ZSCAN18: variants seen among roughly 807,000 people sequenced by gnomAD.
ZSCAN18 encodes the protein zinc finger and SCAN domain containing 18.
ZSCAN18 carries 16 observed loss-of-function variants against 31.1 expected under a neutral mutation model. That is an observed-to-expected ratio of 0.51 (90% confidence interval 0.35 to 0.78). The LOEUF (loss-of-function observed/expected upper bound fraction) is 0.78. Among genes scored for constraint, ZSCAN18 ranks in the 30% least tolerant of loss-of-function variants. The probability of loss-of-function intolerance (pLI) is 0.01; values close to 1 mark genes in which losing one functional copy is unlikely to be tolerated. For missense variants in ZSCAN18, 731 were observed against 697.4 expected, an observed-to-expected ratio of 1.05 and a Z score of -0.54; for synonymous variants, 375 against 320.7, an observed-to-expected ratio of 1.17 and a Z score of -1.81.
chr19:58,116,672 T>TCAC (rs1255322793), intron 1 of ZSCAN18, among the ~76,000 whole-genome samples: 1 of 152,088 alleles, frequency 6.6e-6, no homozygotes, highest in East Asian at 1.9e-4. Flanking sequence ...TCCATCATCA[T>TCAC]CACCTGCAAC....
In ZSCAN18 at chr19:58,085,381, T is replaced by C; in HGVS notation, c.839-2A>G. ...CGCTCTCCTGCCGCCTCCCGCCTTCTGGAACAAGGTCAGAGCCCTAGCGTG... is the reference window on the plus strand; with the variant it reads ...CGCTCTCCTGCCGCCTCCCGCCTTCCGGAACAAGGTCAGAGCCCTAGCGTG... On this transcript the variant is annotated splice_acceptor_variant, in intron 6 of 6. Coordinates refer to ENST00000601144, the MANE Select transcript of ZSCAN18 (RefSeq NM_001145543.2). LOFTEE classifies it high-confidence loss of function. 1 of 1,586,708 alleles carries C rather than the reference T, an allele frequency of 6.3e-7. No individual in the cohort carries two copies. Among genetic ancestry groups the C allele is most frequent in the South Asian group, 1.1e-5 (1 of 89,782 alleles).
At chr19:58,091,988 G>A (rs549658786) in intron 1 of ZSCAN18, among the ~76,000 whole-genome samples, 2 of 152,178 alleles carry the variant, frequency 1.3e-5, no homozygotes, top group South Asian at 2.1e-4. Context: ...ACCAGAATAT[G>A]GGGCGCAAAG....
chr19:58,108,463 TA>T, intron 1 of ZSCAN18: 1 of 985,648 alleles, frequency 1.0e-6, no homozygotes, highest in Non-Finnish European at 1.2e-6. Context: ...TCATGCTTGG[TA>T]AAGGTGGAGC....
At position 58,109,084 on chromosome 19, in the gene ZSCAN18, C is replaced by A. The variant is rs1377516068; in HGVS notation, c.130+9183G>T. ...AATGGTCATGGTGACCACAGCCCCTCATAGATGCTCTGGGTCCTTGTGTGT... is the reference window on the plus strand; with the variant it reads ...AATGGTCATGGTGACCACAGCCCCTAATAGATGCTCTGGGTCCTTGTGTGT... On this transcript the variant is annotated intron_variant, in intron 1 of 1. Transcript: ENST00000595721. 8.6e-5 allele frequency: 105 copies of A among 1,227,204 alleles called. 1 individual carries two copies. Among genetic ancestry groups the A allele is most frequent in the Non-Finnish European group, 1.1e-4 (105 of 985,602 alleles). The allele number at this position is 1,227,204 out of a possible 1,614,324, so 76.0% of individuals were successfully genotyped here. A position where few individuals can be genotyped will look rare whatever the true frequency, so the allele number is the denominator to read the frequency against.
At chr19:58,098,399 C>A (rs2074562951), upstream of ZSCAN18, 7 of 985,280 alleles carry the variant, frequency 7.1e-6, no homozygotes, top group Non-Finnish European at 8.4e-6. Context: ...CACTCCGGCG[C>A]CTGCGTCATT....
intron 1 of ZSCAN18, among the ~76,000 whole-genome samples, chr19:58,106,845 C>A (rs932256949): frequency 3.3e-5 from 5 of 151,878 alleles, no homozygotes; most frequent in African/African-American, 1.2e-4. Flanking sequence ...ACTGCAACCT[C>A]TGCCTCCCAG....
Position 58,086,011 on chromosome 19 carries a change from C to T in ZSCAN18, c.838+163G>A, listed in dbSNP as rs535364798. ...CTGTCATGCAGCAAGAGACCATGGA[C>T]GTAACTGGATTCCTGCCTCACTCAG... On this transcript the variant is annotated intron_variant, in intron 6 of 6. Transcript: ENST00000601144. 13 of 634,554 alleles carry T rather than the reference C, an allele frequency of 2.0e-5. No homozygotes were observed. The Admixed American group carries it at 2.2e-4, about 11-fold the overall frequency. The allele number at this position is 634,554 out of a possible 1,614,324, so 39.3% of individuals were successfully genotyped here. A position where few individuals can be genotyped will look rare whatever the true frequency, so the allele number is the denominator to read the frequency against.
intron 1 of ZSCAN18, chr19:58,092,618 C>A: frequency 6.2e-5 from 35 of 567,880 alleles, no homozygotes; most frequent in East Asian, 1.4e-4. Context: ...TGCAGAGAGT[C>A]AACTATCAAC....
intron 1 of ZSCAN18, among the ~76,000 whole-genome samples, chr19:58,112,588 T>C (rs2074692715): frequency 6.7e-6 from 1 of 149,054 alleles, no homozygotes; most frequent in African/African-American, 2.5e-5. Flanking sequence ...GAGGCGGAGA[T>C]TGCAGTGAGC....
intron 4 of ZSCAN18, 149 bp downstream of exon 4, chr19:58,087,167 C>G (rs1337684515): frequency 2.9e-6 from 3 of 1,026,088 alleles, no homozygotes; most frequent in Non-Finnish European, 4.2e-6. Context: ...CACAAAGATT[C>G]CGCCCTCACG....
At chr19:58,092,380 G>C (rs1471570803) in intron 1 of ZSCAN18, 1 of 152,100 alleles carries the variant, frequency 6.6e-6, no homozygotes, top group Non-Finnish European at 1.5e-5. Context: ...TTCGAGACCA[G>C]CCTGGTCAAC....
rs943428949 is a variant in ZSCAN18, at chr19:58,090,130, C to T, written c.138G>A (p.Glu46=). Reference sequence around the variant, plus strand: ...ATTCCCGGAAACGCAGGCGGGAGAACTCCAGGTCAGCAGGGGTCCTCTCAG... The same window carrying T: ...ATTCCCGGAAACGCAGGCGGGAGAATTCCAGGTCAGCAGGGGTCCTCTCAG... ...TIPERTPADL[E]FSRLRFREFV... is the part of the protein sequence containing the mutation. The change falls in exon 2 of 7, where the codon GAG becomes GAA. Residue 46 remains glutamate, a synonymous_variant. Transcript: ENST00000601144. The surrounding 1 kb of genome is among the most constrained non-coding windows in gnomAD (Gnocchi z 4.7). 5.0e-6 allele frequency: 8 copies of T among 1,613,692 alleles called. No individual in the cohort carries two copies. The highest frequency in any genetic ancestry group is 5.9e-6 in the Non-Finnish European group (7 of 1,179,916).
Position 58,090,333 on chromosome 19 carries a change from T to C in ZSCAN18, c.-66A>G. On this transcript the variant is annotated 5_prime_UTR_variant, in exon 2 of 7. Transcript: ENST00000601144. The surrounding 1 kb of genome is among the most constrained non-coding windows in gnomAD (Gnocchi z 4.7). ...GGACAAGGTGGCTCCAAAGGAGAGG[T>C]GCCAGGGATGACCAGATGCCCAGTG... is the stretch of plus-strand genomic sequence containing the variant. 2 of 1,609,346 alleles carry C rather than the reference T, an allele frequency of 1.2e-6. No homozygotes were observed. The highest frequency in any genetic ancestry group is 1.7e-6 in the Non-Finnish European group (2 of 1,177,396).
intron 1 of ZSCAN18, chr19:58,108,485 G>T: frequency 1.0e-6 from 1 of 985,872 alleles, no homozygotes; most frequent in South Asian, 4.7e-5. Flanking sequence ...CAGCACTGAA[G>T]GCTTTCCCAC....
chr19:58,086,812 C>T, intron 5 of ZSCAN18, 94 bp downstream of exon 5: 3 of 913,980 alleles, frequency 3.3e-6, no homozygotes, highest in Non-Finnish European at 3.4e-6. Context: ...ATCACAGTGT[C>T]CCAGCCAAAG....
At chr19:58,095,909 TC>T (rs1167527077) in intron 1 of ZSCAN18, among the ~76,000 whole-genome samples, 1 of 152,160 alleles carries the variant, frequency 6.6e-6, no homozygotes, top group African/African-American at 2.4e-5. Context: ...AGCTGCTGCC[TC>T]CTGTGAAAAC....
chr19:58,107,859 T>C (rs1318423792), intron 1 of ZSCAN18: 5 of 1,047,086 alleles, frequency 4.8e-6, no homozygotes, highest in Non-Finnish European at 4.7e-6. Context: ...CGCCTGAGCA[T>C]GTACCTTCTT....
Position 58,085,156 on chromosome 19 carries a change from G to A in ZSCAN18, c.1062C>T (p.Val354=). 1.2e-6 allele frequency: 2 copies of A among 1,610,952 alleles called. No homozygotes were observed. Among genetic ancestry groups the A allele is most frequent in the South Asian group, 1.1e-5 (1 of 90,910 alleles). ...CCCTGTCCGGGGCAGGCTGCTGGAT[G>A]ACGGACTGCCTCTGCGATCCGGTGG... is the stretch of plus-strand genomic sequence containing the variant. The part of the protein sequence containing the change: ...DSATGSQRQS[V]IQQPAPDRGT... The change falls in exon 7 of 7, where the codon GTC becomes GTT. Residue 354 remains valine (V), a synonymous_variant. Coordinates refer to ENST00000601144, the MANE Select transcript of ZSCAN18 (RefSeq NM_001145543.2).
chr19:58,089,843 C>CTTCT (rs1305292380), intron 2 of ZSCAN18, 22 bp downstream of exon 2: 1 of 1,591,070 alleles, frequency 6.3e-7, no homozygotes, highest in Non-Finnish European at 8.6e-7. Flanking sequence ...CTGAGCCATG[C>CTTCT]TTCTCCTCTG....
Sources: gnomAD v4.1 joint callset for allele counts (sites outside exome capture counted in the v4.1 genomes callset) on GRCh38, gnomAD v4.1.1 for gene constraint, Gnocchi (gnomAD v3.1) non-coding constraint, MANE v1.5 for transcripts, NCBI Gene and HGNC (gene_info 2026-07-23, HGNC 2026-07-21) for gene names.